IPP: variants seen among roughly 807,000 people sequenced by gnomAD.
The protein encoded by IPP is actin-binding protein IPP.
A neutral mutation model predicts 64.1 loss-of-function variants in IPP; 41 were observed. That is an observed-to-expected ratio of 0.64 (90% CI 0.50 to 0.83). IPP has a LOEUF of 0.83. Ranked by LOEUF, IPP falls within the 40% of genes least tolerant of loss-of-function variation. The pLI, the probability that IPP is intolerant of heterozygous loss-of-function variation, is 0.00. For synonymous variants in IPP, 214 were observed against 235.2 expected, an observed-to-expected ratio of 0.91 and a Z score of 0.83; for missense variants, 649 against 703.0, an observed-to-expected ratio of 0.92 and a Z score of 0.87.
At chr1:45,711,744 ACT>A (rs1645593347) in intron 8 of IPP, among the ~76,000 whole-genome samples, 1 of 150,390 alleles carries the variant, frequency 6.6e-6, no homozygotes, top group East Asian at 1.9e-4. Context: ...TCAGAGTAAG[ACT>A]CTGTCACAAA....
chr1:45,724,328 G>A lies in IPP; in HGVS notation c.1048+3303C>T, dbSNP rs1344469738. Among the ~76,000 whole-genome samples, 4 of 151,148 alleles carry A rather than the reference G, an allele frequency of 2.6e-5. No individual in the cohort carries two copies. In the East Asian group the frequency reaches 7.8e-4, roughly 29 times the overall value. ...GAGTGCAGTGGCGTGATCTCGGCTC[G>A]CTACAACCACCTCCCAGCCGCCTGC... On this transcript the variant is annotated intron_variant, in intron 5 of 8. Coordinates refer to ENST00000396478, the MANE Select transcript of IPP (RefSeq NM_005897.3).
At chr1:45,738,554 AT>A (rs1332400676) in intron 3 of IPP, among the ~76,000 whole-genome samples, 1 of 152,112 alleles carries the variant, frequency 6.6e-6, no homozygotes, top group East Asian at 1.9e-4. Context: ...ACAAAAACCT[AT>A]ATAGGCCGGG....
At chr1:45,724,999 C>T (rs1448048466) in intron 5 of IPP, among the ~76,000 whole-genome samples, 4 of 147,186 alleles carry the variant, frequency 2.7e-5, no homozygotes, top group Admixed American at 6.6e-5. Flanking sequence ...GCCAGTCGCC[C>T]CGTCCAGGTG....
downstream of IPP, chr1:45,694,478 C>T (rs1042467077): frequency 2.6e-6 from 4 of 1,546,282 alleles, no homozygotes; most frequent in South Asian, 2.4e-5. Flanking sequence ...TGCACATATT[C>T]TCCCACTTCA....
chr1:45,694,561 C>A, downstream of IPP: 1 of 1,037,360 alleles, frequency 9.6e-7, no homozygotes, highest in Non-Finnish European at 1.5e-6. Flanking sequence ...GGAGTTACCA[C>A]TGGGAAAGGC....
intron 7 of IPP, among the ~76,000 whole-genome samples, chr1:45,716,015 T>A (rs537520392): frequency 4.3e-4 from 66 of 152,266 alleles, no homozygotes; most frequent in African/African-American, 1.5e-3. Flanking sequence ...TCTCCACAGG[T>A]GCATAAAAAT....
chr1:45,712,874 A>T lies in IPP; in HGVS notation c.1530+1372T>A, dbSNP rs1381995462. ...ATCTCAAAAAAAAAAAGAAAAAAAA[A>T]AAAAATATATATATATATACACACC... On this transcript the variant is annotated intron_variant, in intron 8 of 8. Transcript: ENST00000396478. 8.3e-5 allele frequency among the ~76,000 whole-genome samples: 12 copies of T among 143,780 alleles called. No individual in the cohort carries two copies. In the South Asian group the frequency reaches 8.6e-4, roughly 10 times the overall value. 94.3% of individuals were successfully genotyped at this position (143,780 alleles called of 152,430 possible).
Position 45,699,542 on chromosome 1 carries a change from T to C in IPP, c.*424A>G. On this transcript the variant is annotated 3_prime_UTR_variant, in exon 9 of 9. Transcript: ENST00000396478. ...GTTGTCTACACTTAAACTGGAGAAT[T>C]CTACAGCATAAATGGCATTTCTATT... 7.1e-6 allele frequency: 7 copies of C among 989,892 alleles called. No homozygotes were observed. The highest frequency in any genetic ancestry group is 8.4e-6 in the Non-Finnish European group (7 of 832,396). 61.3% of individuals were successfully genotyped at this position (989,892 alleles called of 1,614,324 possible). A position where few individuals can be genotyped will look rare whatever the true frequency, so the allele number is the denominator to read the frequency against.
intron 2 of IPP, among the ~76,000 whole-genome samples, chr1:45,742,897 CTT>C (rs1433803370): frequency 1.3e-5 from 2 of 152,012 alleles, no homozygotes; most frequent in Non-Finnish European, 2.9e-5. Flanking sequence ...ACGTATACCA[CTT>C]TCTTTTCCAA....
At chr1:45,721,276 G>A (rs1228448115) in intron 5 of IPP, among the ~76,000 whole-genome samples, 1 of 152,216 alleles carries the variant, frequency 6.6e-6, no homozygotes, top group East Asian at 1.9e-4. Flanking sequence ...AATGGTAAGA[G>A]TGGCTCACTG....
At chr1:45,732,541 T>C (rs61784820) in intron 3 of IPP, among the ~76,000 whole-genome samples, 13,728 of 151,956 alleles carry the variant, frequency 0.09, 783 homozygotes, top group Admixed American at 0.17. Flanking sequence ...GAGGAAAAGC[T>C]TGAGAAAATA....
chr1:45,722,049 A>G (rs1645740122), intron 5 of IPP, among the ~76,000 whole-genome samples: 1 of 152,144 alleles, frequency 6.6e-6, no homozygotes, highest in South Asian at 2.1e-4. Flanking sequence ...AGCCTGGCAC[A>G]GAGTGAGACT....
chr1:45,706,262 G>C (rs568599457), intron 8 of IPP, among the ~76,000 whole-genome samples: 20 of 152,142 alleles, frequency 1.3e-4, no homozygotes, highest in Non-Finnish European at 2.4e-4. Context: ...GGATAAACTA[G>C]ATCTAAAGGA....
chr1:45,713,739 A>T (rs1187880978), intron 8 of IPP, among the ~76,000 whole-genome samples: 1 of 152,086 alleles, frequency 6.6e-6, no homozygotes, highest in Non-Finnish European at 1.5e-5. Flanking sequence ...TAATTTTGTT[A>T]TTTATTATAC....
chr1:45,716,911 C>T lies in IPP; in HGVS notation c.1293G>A (p.Gly431=), dbSNP rs1043834498. Residue 431 remains glycine (G), a synonymous_variant, in exon 7 of 9, where the codon GGG becomes GGA. Coordinates refer to ENST00000396478, the MANE Select transcript of IPP (RefSeq NM_005897.3). ...AGTGATTACCTTGCATTTCACAGCA[C>T]CCAAAGTAGTAGCGTGACACAGCCA... ...GNMAVSRYYF[G]CCEMQGLIYV... is the part of the protein sequence containing the mutation. 1 of 1,612,058 alleles carries T rather than the reference C, an allele frequency of 6.2e-7. No homozygotes were observed. The highest frequency in any genetic ancestry group is 8.5e-7 in the Non-Finnish European group (1 of 1,179,214).
chr1:45,694,963 G>A (rs147914407), downstream of IPP: 477 of 153,626 alleles, frequency 3.1e-3, 4 homozygotes, highest in East Asian at 0.024. Flanking sequence ...TTGGCTCACC[G>A]CAACCTCCAC....
chr1:45,740,364 G>A (rs1646043570), intron 3 of IPP, among the ~76,000 whole-genome samples: 1 of 152,158 alleles, frequency 6.6e-6, no homozygotes, highest in Non-Finnish European at 1.5e-5. Context: ...GGTGGTGGCT[G>A]GGCAGAGGGG....
At chr1:45,716,667 C>T (rs970211765) in intron 7 of IPP, among the ~76,000 whole-genome samples, 3 of 152,186 alleles carry the variant, frequency 2.0e-5, no homozygotes, top group African/African-American at 7.2e-5. Flanking sequence ...TGCTTACTTA[C>T]AATTTTTAAT....
At chr1:45,700,307 G>C in intron 8 of IPP, 117 bp from the exon 9 acceptor site, 1 of 1,364,822 alleles carries the variant, frequency 7.3e-7, no homozygotes. Flanking sequence ...AAACTATCTA[G>C]TCAGGTAAGC....
Sources: gnomAD v4.1 joint callset for allele counts (sites outside exome capture counted in the v4.1 genomes callset) on GRCh38, gnomAD v4.1.1 for gene constraint, MANE v1.5 for transcripts, NCBI Gene and HGNC (gene_info 2026-07-23, HGNC 2026-07-21) for gene names.